Variants in SNURF observed in about 807,000 individuals in gnomAD.
SNURF encodes SNURF protein.
SNURF carries 6 observed loss-of-function variants against 11.6 expected under a neutral mutation model. That is an observed-to-expected ratio of 0.52 (90% CI 0.28 to 1.02). SNURF has a LOEUF of 1.02. Ranked by LOEUF, SNURF falls within the 50% of genes least tolerant of loss-of-function variation. The pLI, the probability that SNURF is intolerant of heterozygous loss-of-function variation, is 0.09. For missense variants in SNURF, 84 were observed against 88.4 expected (o/e 0.95, Z 0.20); for synonymous variants, 29 against 31.6 (o/e 0.92, Z 0.27).
chr15:24,955,709 G>A (rs967796161), intron 1 of SNURF, among the ~76,000 whole-genome samples: 1 of 150,810 alleles, frequency 6.6e-6, no homozygotes, highest in African/African-American at 2.4e-5. Flanking sequence ...GTCGCGGCGC[G>A]GGGAGAGTCC....
exon 3 of SNURF, chr15:24,968,268 T>G (rs2075940875): frequency 8.0e-6 from 4 of 497,226 alleles, no homozygotes; most frequent in Non-Finnish European, 1.4e-5. Flanking sequence ...TTCGTCATGT[T>G]TCTGTATTCC....
chr15:24,968,178 C>G, exon 3 of SNURF: 1 of 772,546 alleles, frequency 1.3e-6, no homozygotes, highest in Non-Finnish European at 2.2e-6. Context: ...TAATTTTTTT[C>G]CTTAGAGCTT....
intron 2 of SNURF, among the ~76,000 whole-genome samples, chr15:24,962,870 G>C (rs2075047191): frequency 6.6e-6 from 1 of 151,958 alleles, no homozygotes; most frequent in Non-Finnish European, 1.5e-5. Flanking sequence ...TTAAAATTTT[G>C]ATCAGTAGGT....
chr15:24,965,380 T>TA (rs1296569348), intron 2 of SNURF, among the ~76,000 whole-genome samples: 2 of 151,442 alleles, frequency 1.3e-5, no homozygotes, highest in Non-Finnish European at 2.9e-5. Flanking sequence ...TCTAGAAAAA[T>TA]AAAAAAATCA....
intron 6 of SNURF, among the ~76,000 whole-genome samples, chr15:24,977,504 G>A (rs559056940): frequency 6.6e-6 from 1 of 152,060 alleles, no homozygotes; most frequent in Admixed American, 6.5e-5. Flanking sequence ...GCTGTGTGTG[G>A]TGGTGGGTGC....
chr15:24,972,187 T>C (rs2076499071), downstream of SNURF, among the ~76,000 whole-genome samples: 1 of 146,110 alleles, frequency 6.8e-6, no homozygotes, highest in South Asian at 2.1e-4. Context: ...ACCCGGGAAG[T>C]GGAGGCTGCA....
At chr15:24,976,949 G>T (rs370688371) in exon 6 of SNURF, 10 of 1,606,184 alleles carry the variant, frequency 6.2e-6, no homozygotes, top group Non-Finnish European at 8.5e-6. Flanking sequence ...TGGTAGAGGA[G>T]TACCAGCTGG....
intron 1 of SNURF, among the ~76,000 whole-genome samples, chr15:24,956,355 G>T (rs958229212): frequency 1.5e-5 from 1 of 66,050 alleles, no homozygotes; most frequent in Non-Finnish European, 3.4e-5. Context: ...GCGCTTCAGC[G>T]GGGGGGTGGC....
In SNURF at chr15:24,958,486, GTTTTTTTTTTTTTTT is replaced by G. The variant is rs71127030; in HGVS notation, c.14+3444_14+3458del. ...ATTTCTGGATGCTAGCTGGCTCAAA[GTTTTTTTTTTTTTTT>G]TTTTTTTTTTTTTTTTTTTAAATAG... On this transcript the variant is annotated intron_variant, in intron 1 of 2. Transcript: ENST00000577949. 2.7e-3 allele frequency among the ~76,000 whole-genome samples: 179 copies of G among 65,322 alleles called. 1 individual carries two copies. In the East Asian group the frequency reaches 0.072, roughly 26 times the overall value. The allele number at this position is 65,322 out of a possible 152,430, so 42.9% of individuals were successfully genotyped here. A position where few individuals can be genotyped will look rare whatever the true frequency, so the allele number is the denominator to read the frequency against.
intron 1 of SNURF, among the ~76,000 whole-genome samples, chr15:24,961,858 TA>T (rs1566958716): frequency 2.0e-5 from 3 of 152,288 alleles, no homozygotes; most frequent in East Asian, 3.9e-4. Flanking sequence ...GAGGTAGATA[TA>T]TTATTTTAAT....
Position 24,962,105 on chromosome 15 carries a change from C to G in SNURF, c.15-9C>G, listed in dbSNP as rs2074932798. The stretch of plus-strand genomic sequence containing the variant: ...TCTACCAAACAAATGCCTCTCTTTT[C>G]TGTTTCAGGGATCGCTTACACCTGA... On this transcript the variant is annotated splice_polypyrimidine_tract_variant and intron_variant, in intron 1 of 2. Coordinates refer to ENST00000577949, the Ensembl canonical transcript of SNURF. 1.9e-6 allele frequency: 3 copies of G among 1,612,874 alleles called. No individual in the cohort carries two copies. The highest frequency in any genetic ancestry group is 2.5e-6 in the Non-Finnish European group (3 of 1,178,908).
At chr15:24,975,444 C>A (rs1472464689) in exon 4 of SNURF, 1 of 1,613,460 alleles carries the variant, frequency 6.2e-7, no homozygotes, top group Non-Finnish European at 8.5e-7. Flanking sequence ...TCATTGGCAC[C>A]TTTAAGGCTT....
At chr15:24,958,814 G>T (rs546195718) in intron 1 of SNURF, 83 of 154,326 alleles carry the variant, frequency 5.4e-4, no homozygotes, top group Non-Finnish European at 1.2e-3. Context: ...CAAACTCCTG[G>T]ATCAATCTAG....
chr15:24,974,380 T>C, intron 3 of SNURF: 2 of 1,423,320 alleles, frequency 1.4e-6, no homozygotes, highest in South Asian at 1.1e-5. Context: ...CATACCTTTA[T>C]CTATAGCCTT....
downstream of SNURF, among the ~76,000 whole-genome samples, chr15:24,973,817 A>G (rs1281085394): frequency 6.6e-6 from 1 of 152,222 alleles, no homozygotes; most frequent in African/African-American, 2.4e-5. Context: ...AGTCTTAGGC[A>G]GGTTTATAAC....
chr15:24,978,348 C>T, downstream of SNURF: 1 of 1,614,000 alleles, frequency 6.2e-7, no homozygotes, highest in East Asian at 2.2e-5. Flanking sequence ...TTTGATGGTT[C>T]AGCCAGGCCC....
At chr15:24,973,398 T>G (rs894876755), downstream of SNURF, among the ~76,000 whole-genome samples, 1 of 152,052 alleles carries the variant, frequency 6.6e-6, no homozygotes, top group Non-Finnish European at 1.5e-5. Context: ...ACTTATTTAT[T>G]TATTTTGAGA....
At chr15:24,970,356 G>T (rs2076244263), downstream of SNURF, among the ~76,000 whole-genome samples, 1 of 152,094 alleles carries the variant, frequency 6.6e-6, no homozygotes, top group Non-Finnish European at 1.5e-5. Flanking sequence ...GAGGCAGGTG[G>T]ATCACCTGAG....
At chr15:24,968,161 GAC>G (rs1489842743) in exon 3 of SNURF, 2 of 853,120 alleles carry the variant, frequency 2.3e-6, no homozygotes, top group Non-Finnish European at 3.8e-6. Context: ...AATTATCAGT[GAC>G]ACATTAATTT....
Sources: allele counts gnomAD v4.1 joint callset (sites outside exome capture counted in the v4.1 genomes callset), GRCh38; gene constraint gnomAD v4.1.1; transcripts MANE v1.5; gene names NCBI Gene and HGNC (gene_info 2026-07-23, HGNC 2026-07-21).